The following IFT140 variants were observed in gnomAD, a reference collection of about 807,000 sequenced individuals.
IFT140 encodes intraflagellar transport 140.
In IFT140, 133 loss-of-function variants were observed where a neutral mutation model predicts 164.6. The ratio of observed to expected loss-of-function variants is 0.81; its 90% CI spans 0.70 to 0.93. The LOEUF (loss-of-function observed/expected upper bound fraction) is 0.93, where lower values mean the gene tolerates loss of function less well. Among genes scored for constraint, IFT140 ranks in the 40% least tolerant of loss-of-function variants. IFT140 has a pLI of 0.00. For missense variants in IFT140, 2,045 were observed against 1,972.3 expected, an observed-to-expected ratio of 1.04 and a Z score of -0.70; for synonymous variants, 860 against 817.3, an observed-to-expected ratio of 1.05 and a Z score of -0.89.
chr16:1,513,313 C>A (rs56206827), intron 30 of IFT140: 2 of 152,218 alleles, frequency 1.3e-5, no homozygotes, highest in Admixed American at 6.5e-5. Flanking sequence ...CACGGTGAAA[C>A]CCCGTCTCTA....
At chr16:1,589,193 T>G (rs1055557986) in intron 7 of IFT140, among the ~76,000 whole-genome samples, 3 of 152,154 alleles carry the variant, frequency 2.0e-5, no homozygotes, top group Admixed American at 2.0e-4. Context: ...GAAAGTTCAG[T>G]GGCCTCCAAG....
At chr16:1,563,856 G>C in intron 17 of IFT140, 141 bp downstream of exon 17, 1 of 744,664 alleles carries the variant, frequency 1.3e-6, no homozygotes, top group Middle Eastern at 4.4e-4. Context: ...GAACTCCTGG[G>C]CTCAAGCGTT....
chr16:1,544,917 G>A (rs946565703), intron 19 of IFT140, among the ~76,000 whole-genome samples: 2 of 152,184 alleles, frequency 1.3e-5, no homozygotes, highest in African/African-American at 2.4e-5. Context: ...CAAAGTGCTG[G>A]GATTACAAGC....
chr16:1,574,458 T>C (rs926549978), intron 13 of IFT140, among the ~76,000 whole-genome samples: 2 of 152,028 alleles, frequency 1.3e-5, no homozygotes, highest in African/African-American at 4.8e-5. Context: ...TTTTGTATTT[T>C]TTTGCAGAGA....
chr16:1,587,946 C>T lies in IFT140; in HGVS notation c.889G>A (p.Glu297Lys). 1.2e-6 allele frequency: 2 copies of T among 1,612,122 alleles called. No homozygotes were observed. The highest frequency in any genetic ancestry group is 1.7e-6 in the Non-Finnish European group (2 of 1,179,116). Residue 297 changes from glutamate to lysine, a missense_variant, in exon 8 of 31, where the codon GAG (glutamate) becomes AAG (lysine). Transcript: ENST00000426508. The stretch of plus-strand genomic sequence containing the variant: ...GCAGACTCTCACCTGAGGGCAGCCT[C>T]CCCGACGGCCATCACGAGAAGGCTG... ...EGSLLVMAVG[E>K]AALRFWDIER...
chr16:1,538,827 C>G (rs1252802903), intron 19 of IFT140, among the ~76,000 whole-genome samples: 2 of 152,208 alleles, frequency 1.3e-5, no homozygotes, highest in African/African-American at 4.8e-5. Context: ...GTGGTCACTG[C>G]TTGGGGCTGG....
At chr16:1,554,999 C>T in intron 19 of IFT140, 1 of 1,612,948 alleles carries the variant, frequency 6.2e-7, no homozygotes, top group Non-Finnish European at 8.5e-7. Flanking sequence ...GTGGGCTGGA[C>T]AATGACTACG....
intron 18 of IFT140, among the ~76,000 whole-genome samples, chr16:1,559,082 T>C (rs1418784505): frequency 6.6e-6 from 1 of 152,202 alleles, no homozygotes; most frequent in Admixed American, 6.5e-5. Context: ...CCCGAGGCCC[T>C]GCAGAGAGGC....
chr16:1,536,360 G>A (rs191351219), intron 19 of IFT140, among the ~76,000 whole-genome samples: 9 of 152,266 alleles, frequency 5.9e-5, no homozygotes, highest in African/African-American at 1.9e-4. Flanking sequence ...GACACACGAG[G>A]CCCCTCACAG....
At chr16:1,584,095 G>T in intron 11 of IFT140, 122 bp downstream of exon 11, 1 of 722,676 alleles carries the variant, frequency 1.4e-6, no homozygotes, top group Non-Finnish European at 2.3e-6. Flanking sequence ...GGAAATAAGA[G>T]AATCTAGGAT....
intron 19 of IFT140, among the ~76,000 whole-genome samples, chr16:1,535,448 C>T (rs149149123): frequency 7.3e-4 from 111 of 152,300 alleles, no homozygotes; most frequent in African/African-American, 2.5e-3. Context: ...GACTCGCAGA[C>T]ACCCCAAGTC....
intron 15 of IFT140, among the ~76,000 whole-genome samples, chr16:1,567,011 G>A (rs2141581099): frequency 6.6e-6 from 1 of 152,264 alleles, no homozygotes; most frequent in East Asian, 1.9e-4. Flanking sequence ...GTGTGGGACT[G>A]CCCACTGGCT....
At chr16:1,587,020 G>A (rs1350873281) in intron 9 of IFT140, among the ~76,000 whole-genome samples, 178 bp downstream of exon 9, 1 of 152,202 alleles carries the variant, frequency 6.6e-6, no homozygotes, top group African/African-American at 2.4e-5. Flanking sequence ...TGGCCTTCAT[G>A]TGGGATCACA....
chr16:1,569,833 C>T (rs1446629206), intron 14 of IFT140, among the ~76,000 whole-genome samples: 2 of 151,650 alleles, frequency 1.3e-5, no homozygotes, highest in African/African-American at 4.8e-5. Context: ...AGCAATCCAC[C>T]TCTCTTGGCC....
Position 1,587,256 on chromosome 16 carries a change from C to G in IFT140, c.951G>C (p.Glu317Asp). The change falls in exon 9 of 31, where the codon GAG becomes GAC. Residue 317 changes from glutamate to aspartate, a missense_variant. Coordinates refer to ENST00000426508, the MANE Select transcript of IFT140 (RefSeq NM_014714.4). ...TCTCTCCTTTCTCAAAGCCAAACTTCTCATCTGGACTCAGTATATAATTCT... is the reference window on the plus strand; with the variant it reads ...TCTCTCCTTTCTCAAAGCCAAACTTGTCATCTGGACTCAGTATATAATTCT... ...RGENYILSPDEKFGFEKGENM... is the reference protein window; with the variant it reads ...RGENYILSPDDKFGFEKGENM... The G allele has an allele frequency of 6.2e-7, 1 of 1,613,114 alleles. No homozygotes were observed. The highest frequency in any genetic ancestry group is 1.1e-5 in the South Asian group (1 of 91,064).
chr16:1,563,277 C>A (rs2033519954), intron 17 of IFT140, among the ~76,000 whole-genome samples: 1 of 151,674 alleles, frequency 6.6e-6, no homozygotes, highest in South Asian at 2.1e-4. Context: ...CTCAGGGTAT[C>A]AACACTGACT....
intron 13 of IFT140, 172 bp downstream of exon 13, chr16:1,580,587 T>G: frequency 1.9e-6 from 1 of 538,154 alleles, no homozygotes; most frequent in Non-Finnish European, 3.3e-6. Context: ...TGCAGTAATG[T>G]GAGTCAACAA....
At chr16:1,576,963 G>A (rs1596395030) in intron 13 of IFT140, 1 of 152,188 alleles carries the variant, frequency 6.6e-6, no homozygotes, top group African/African-American at 2.4e-5. Flanking sequence ...AAAATGTTGT[G>A]CAGTGCTAAT....
intron 23 of IFT140, 36 bp downstream of exon 23, chr16:1,524,748 G>T (rs1441643468): frequency 2.5e-6 from 4 of 1,587,582 alleles, no homozygotes; most frequent in Non-Finnish European, 8.6e-7. Flanking sequence ...TGTCTGCCTC[G>T]TGTCCGCCTG....
Sources: gnomAD v4.1 joint callset for allele counts (sites outside exome capture counted in the v4.1 genomes callset) on GRCh38, gnomAD v4.1.1 for gene constraint, MANE v1.5 for transcripts, NCBI Gene and HGNC (gene_info 2026-07-23, HGNC 2026-07-21) for gene names.